The following MTA3 variants were observed in gnomAD, a reference collection of about 807,000 sequenced individuals.
MTA3 encodes metastasis associated 1 family member 3.
MTA3 carries 34 observed loss-of-function variants against 83.5 expected under a neutral mutation model. The ratio of observed to expected loss-of-function variants is 0.41; its 90% CI spans 0.31 to 0.54. The LOEUF is 0.54. Among genes scored for constraint, MTA3 ranks in the 20% least tolerant of loss-of-function variants. The pLI, the probability that MTA3 is intolerant of heterozygous loss-of-function variation, is 0.33. For missense variants in MTA3, 761 were observed against 726.4 expected (o/e 1.05, Z -0.55); for synonymous variants, 303 against 252.7 (o/e 1.20, Z -1.89).
chr2:42,572,385 A>T (rs1019529420), intron 2 of MTA3, among the ~76,000 whole-genome samples: 1 of 151,802 alleles, frequency 6.6e-6, no homozygotes, highest in Non-Finnish European at 1.5e-5. Context: ...GGAGTTCCAG[A>T]CTAGCCTGGG....
At chr2:42,568,235 G>A (rs1678017319), upstream of MTA3, 1 of 153,302 alleles carries the variant, frequency 6.5e-6, no homozygotes, top group African/African-American at 2.4e-5. Context: ...AGGTAGGGAA[G>A]GAGGACCTGT....
At chr2:42,699,839 A>G (rs1334366378) in intron 11 of MTA3, among the ~76,000 whole-genome samples, 2 of 152,158 alleles carry the variant, frequency 1.3e-5, no homozygotes, top group Admixed American at 6.5e-5. Context: ...CTAGAGATAC[A>G]TATTTGAGCT....
intron 2 of MTA3, among the ~76,000 whole-genome samples, chr2:42,498,117 T>G (rs1240256640): frequency 1.3e-5 from 2 of 152,222 alleles, no homozygotes; most frequent in Non-Finnish European, 2.9e-5. Flanking sequence ...CCATGCAGCT[T>G]ACTTATCAAC....
At chr2:42,679,515 C>A (rs933559064) in intron 8 of MTA3, among the ~76,000 whole-genome samples, 1 of 152,166 alleles carries the variant, frequency 6.6e-6, no homozygotes, top group African/African-American at 2.4e-5. Flanking sequence ...AACGTGGTGT[C>A]AGACTTCTGA....
chr2:42,512,128 T>C (rs1674933569), intron 2 of MTA3, among the ~76,000 whole-genome samples: 1 of 151,444 alleles, frequency 6.6e-6, no homozygotes, highest in Admixed American at 6.6e-5. Flanking sequence ...TTTTTCTTTT[T>C]CTTTTTCCTT....
intron 4 of MTA3, among the ~76,000 whole-genome samples, chr2:42,634,867 A>G (rs1687033363): frequency 6.6e-6 from 1 of 151,996 alleles, no homozygotes; most frequent in African/African-American, 2.4e-5. Context: ...TCCCTTTGCC[A>G]TCTGTTTCTA....
chr2:42,696,460 C>T (rs1008232260), intron 10 of MTA3, among the ~76,000 whole-genome samples: 6 of 152,118 alleles, frequency 3.9e-5, no homozygotes, highest in Non-Finnish European at 5.9e-5. Flanking sequence ...GAAATGACAT[C>T]GGTCAATACT....
chr2:42,752,464 C>T (rs572224148), intron 16 of MTA3, among the ~76,000 whole-genome samples: 24 of 152,140 alleles, frequency 1.6e-4, no homozygotes, highest in Non-Finnish European at 2.8e-4. Context: ...TAATACAACA[C>T]GGTGGTGATG....
intron 2 of MTA3, among the ~76,000 whole-genome samples, chr2:42,529,878 G>A (rs1233454676): frequency 6.6e-6 from 1 of 152,106 alleles, no homozygotes; most frequent in Non-Finnish European, 1.5e-5. Context: ...GGTCAGAGAG[G>A]CAAAAACTTC....
chr2:42,649,314 T>C (rs1688491591), intron 6 of MTA3, among the ~76,000 whole-genome samples: 1 of 151,928 alleles, frequency 6.6e-6, no homozygotes, highest in Admixed American at 6.6e-5. Flanking sequence ...GGAGAATTGC[T>C]TGAACCCAGG....
chr2:42,740,511 A>G (rs1668950460), intron 16 of MTA3, among the ~76,000 whole-genome samples: 1 of 152,238 alleles, frequency 6.6e-6, no homozygotes, highest in Non-Finnish European at 1.5e-5. Flanking sequence ...TCTCCAATGA[A>G]TGAATGAATG....
At chr2:42,638,776 C>CAT (rs1168390149) in intron 4 of MTA3, among the ~76,000 whole-genome samples, 3 of 150,692 alleles carry the variant, frequency 2.0e-5, no homozygotes, top group African/African-American at 7.3e-5. Context: ...CCTTTATAAA[C>CAT]ACTTCCAGTA....
At chr2:42,601,641 G>A (rs1378550682) in intron 3 of MTA3, among the ~76,000 whole-genome samples, 5 of 152,154 alleles carry the variant, frequency 3.3e-5, no homozygotes, top group Non-Finnish European at 7.3e-5. Flanking sequence ...TCCCACCTCG[G>A]CCTCCTGAGT....
At chr2:42,649,522 T>G (rs1235133850) in intron 6 of MTA3, among the ~76,000 whole-genome samples, 1 of 152,232 alleles carries the variant, frequency 6.6e-6, no homozygotes, top group African/African-American at 2.4e-5. Flanking sequence ...TAACTCATGT[T>G]CTGTTGGCAA....
At chr2:42,637,718 T>C (rs1006163942) in intron 4 of MTA3, among the ~76,000 whole-genome samples, 2 of 152,186 alleles carry the variant, frequency 1.3e-5, no homozygotes, top group Admixed American at 6.5e-5. Context: ...AATTTAAAAC[T>C]TAGATCACTT....
chr2:42,525,005 C>T (rs1408476342), intron 2 of MTA3, among the ~76,000 whole-genome samples: 6 of 149,228 alleles, frequency 4.0e-5, no homozygotes, highest in Admixed American at 6.7e-5. Context: ...ATGTGCACAA[C>T]GTGCTGGTTT....
At chr2:42,684,807 G>A (rs928802608) in intron 9 of MTA3, among the ~76,000 whole-genome samples, 1 of 152,308 alleles carries the variant, frequency 6.6e-6, no homozygotes, top group Admixed American at 6.5e-5. Context: ...TGCCAGGCTT[G>A]CAAAAAGGCA....
chr2:42,523,366 G>T (rs1282731225), intron 2 of MTA3, among the ~76,000 whole-genome samples: 2 of 152,166 alleles, frequency 1.3e-5, no homozygotes, highest in African/African-American at 4.8e-5. Context: ...GAGAGCGGCA[G>T]TGAGACCAGG....
intron 14 of MTA3, among the ~76,000 whole-genome samples, chr2:42,710,227 T>C (rs1301998600): frequency 6.6e-6 from 1 of 152,154 alleles, no homozygotes; most frequent in African/African-American, 2.4e-5. Context: ...AAAACTTAAG[T>C]AGCAGCTCTA....
Sources: allele counts gnomAD v4.1 joint callset (sites outside exome capture counted in the v4.1 genomes callset), GRCh38; gene constraint gnomAD v4.1.1; transcripts MANE v1.5; gene names NCBI Gene and HGNC (gene_info 2026-07-23, HGNC 2026-07-21).